MED12L: variants seen among roughly 807,000 people sequenced by gnomAD.
MED12L encodes mediator complex subunit 12L.
In MED12L, 60 loss-of-function variants were observed where a neutral mutation model predicts 281.3. The observed-to-expected ratio is 0.21, with a 90% CI of 0.17 to 0.26. MED12L has a LOEUF of 0.26. Ranked by LOEUF, MED12L falls within the 10% of genes least tolerant of loss-of-function variation. The pLI is 1.00. For missense variants in MED12L, 2,146 were observed against 2,680.9 expected (o/e 0.80, Z 4.41); for synonymous variants, 974 against 987.2 (o/e 0.99, Z 0.25).
At chr3:151,158,886 G>A in intron 7 of MED12L, 87 bp downstream of exon 7, 2 of 844,598 alleles carry the variant, frequency 2.4e-6, no homozygotes, top group South Asian at 1.6e-5. Context: ...AAGAGGAAAA[G>A]GAAAAAATAT....
At chr3:151,193,334 G>T (rs961226947) in intron 15 of MED12L, among the ~76,000 whole-genome samples, 156 bp from the exon 16 acceptor site, 1 of 152,102 alleles carries the variant, frequency 6.6e-6, no homozygotes, top group Non-Finnish European at 1.5e-5. Flanking sequence ...TATGAATTTT[G>T]TGGAAATTAA....
At chr3:151,410,003 A>C (rs531924402) in intron 40 of MED12L, among the ~76,000 whole-genome samples, 2 of 152,200 alleles carry the variant, frequency 1.3e-5, no homozygotes, top group Non-Finnish European at 2.9e-5. Flanking sequence ...AGCATCAATG[A>C]GGAATCATGG....
In MED12L at chr3:151,435,062, C is replaced by CTTTTTTTTTTTTTTTTTTTTT. The variant is rs66791814; in HGVS notation, c.*2278_*2279insTTTTTTTTTTTTTTTTTTTTT. 5.0e-5 allele frequency: 6 copies of CTTTTTTTTTTTTTTTTTTTTT among 119,084 alleles called. No individual in the cohort carries two copies. Among genetic ancestry groups the CTTTTTTTTTTTTTTTTTTTTT allele is most frequent in the Non-Finnish European group, 1.0e-4 (6 of 57,278 alleles). The allele number at this position is 119,084 out of a possible 1,614,324, so 7.4% of individuals were successfully genotyped here. A position where few individuals can be genotyped will look rare whatever the true frequency, so the allele number is the denominator to read the frequency against. ...GTTAATTCTGTATCTTGAGAGGTTT[C>CTTTTTTTTTTTTTTTTTTTTT]TTTTTTTTTTTTTTTTTTTTCTTTT... On this transcript the variant is annotated 3_prime_UTR_variant, in exon 45 of 45. Transcript: ENST00000687756.
At chr3:151,248,350 T>A (rs1347954586) in intron 16 of MED12L, among the ~76,000 whole-genome samples, 1 of 152,184 alleles carries the variant, frequency 6.6e-6, no homozygotes, top group African/African-American at 2.4e-5. Flanking sequence ...AGAGAAGACA[T>A]CACAGCTGCC....
intron 16 of MED12L, among the ~76,000 whole-genome samples, chr3:151,246,230 A>C (rs567732800): frequency 2.0e-5 from 3 of 152,196 alleles, no homozygotes; most frequent in Non-Finnish European, 4.4e-5. Flanking sequence ...CATCCCCATC[A>C]AGCTACCAAT....
intron 16 of MED12L, among the ~76,000 whole-genome samples, chr3:151,233,017 A>T (rs1035579386): frequency 2.6e-5 from 4 of 152,160 alleles, no homozygotes; most frequent in Non-Finnish European, 5.9e-5. Flanking sequence ...CAGACAGTGT[A>T]TGTGCTATTG....
chr3:151,343,901 C>T (rs535661293), intron 16 of MED12L, among the ~76,000 whole-genome samples: 1 of 152,092 alleles, frequency 6.6e-6, no homozygotes, highest in African/African-American at 2.4e-5. Flanking sequence ...AGCTCTTAGG[C>T]TGTTTTAGTT....
At chr3:151,119,369 G>A (rs1227738567) in intron 3 of MED12L, among the ~76,000 whole-genome samples, 1 of 152,210 alleles carries the variant, frequency 6.6e-6, no homozygotes, top group African/African-American at 2.4e-5. Flanking sequence ...GGAAGTCCAA[G>A]ATAAGGTGTC....
intron 16 of MED12L, among the ~76,000 whole-genome samples, chr3:151,256,119 T>C (rs569877403): frequency 2.0e-5 from 3 of 152,340 alleles, no homozygotes; most frequent in African/African-American, 7.2e-5. Context: ...TTAATTGTTA[T>C]GGAAAGAGCC....
At chr3:151,134,404 T>A (rs1003246) in intron 5 of MED12L, among the ~76,000 whole-genome samples, 34,774 of 152,100 alleles carry the variant, frequency 0.23, 4,459 homozygotes, top group African/African-American at 0.36. Flanking sequence ...ATGAGGATGG[T>A]GATGTGCAGG....
intron 44 of MED12L, among the ~76,000 whole-genome samples, chr3:151,431,207 G>A (rs1363787799): frequency 2.0e-5 from 3 of 152,218 alleles, no homozygotes; most frequent in African/African-American, 7.2e-5. Flanking sequence ...CGTGCAATGA[G>A]TGAGACTAGC....
intron 16 of MED12L, chr3:151,212,008 T>G (rs1159190061): frequency 6.6e-6 from 1 of 152,204 alleles, no homozygotes; most frequent in Non-Finnish European, 1.5e-5. Context: ...TGTAACTGTC[T>G]CCATTGTATT....
At chr3:151,298,341 T>G (rs148202974) in intron 16 of MED12L, among the ~76,000 whole-genome samples, 2 of 152,358 alleles carry the variant, frequency 1.3e-5, no homozygotes, top group African/African-American at 4.8e-5. Flanking sequence ...ACATCTTTAA[T>G]TGACAGTAGC....
intron 3 of MED12L, among the ~76,000 whole-genome samples, chr3:151,117,817 G>A (rs73014809): frequency 0.02 from 3,014 of 151,890 alleles, 105 homozygotes; most frequent in African/African-American, 0.068. Flanking sequence ...ATAGGCTGGC[G>A]TGGTGGCTCA....
intron 16 of MED12L, among the ~76,000 whole-genome samples, chr3:151,293,802 T>C (rs565277213): frequency 6.6e-6 from 1 of 152,300 alleles, no homozygotes; most frequent in African/African-American, 2.4e-5. Context: ...TAGTTTCTTT[T>C]CCTATCCTTC....
chr3:151,329,926 A>G (rs1750157100), intron 16 of MED12L, among the ~76,000 whole-genome samples: 2 of 152,208 alleles, frequency 1.3e-5, no homozygotes, highest in Admixed American at 1.3e-4. Context: ...TGGATTTTCC[A>G]GTAATTTGTG....
chr3:151,233,703 A>G (rs972134647), intron 16 of MED12L, among the ~76,000 whole-genome samples: 8 of 152,230 alleles, frequency 5.3e-5, no homozygotes, highest in African/African-American at 1.7e-4. Context: ...ATTGCACTCC[A>G]ACCTGGGCAA....
Position 151,293,109 on chromosome 3 carries a change from TTAGA to T in MED12L, c.2251-56945_2251-56942del, listed in dbSNP as rs558403140. Among the ~76,000 whole-genome samples, 411 of 152,258 alleles carry T rather than the reference TTAGA, an allele frequency of 2.7e-3. 6 individuals carry two copies. Among genetic ancestry groups the T allele is most frequent in the African/African-American group, 9.0e-3 (375 of 41,526 alleles). On this transcript the variant is annotated intron_variant, in intron 16 of 44. Transcript: ENST00000687756. ...AACCTCTCTGCTAAACCTGACTGACTTAGATAGAGTAAGACACTAGACACTTAGA... is the reference window on the plus strand; with the variant it reads ...AACCTCTCTGCTAAACCTGACTGACTTAGAGTAAGACACTAGACACTTAGA...
chr3:151,125,710 T>C (rs956173599), intron 4 of MED12L, among the ~76,000 whole-genome samples: 1 of 152,254 alleles, frequency 6.6e-6, no homozygotes, highest in South Asian at 2.1e-4. Flanking sequence ...TATTGAACTC[T>C]GTGCTTTTCT....
Sources: allele counts gnomAD v4.1 joint callset (sites outside exome capture counted in the v4.1 genomes callset), GRCh38; gene constraint gnomAD v4.1.1; transcripts MANE v1.5; gene names NCBI Gene and HGNC (gene_info 2026-07-23, HGNC 2026-07-21).